Variants in FAM20C observed in about 807,000 individuals in gnomAD.
FAM20C encodes FAM20C golgi associated secretory pathway kinase, also known as extracellular serine/threonine protein kinase FAM20C.
A neutral mutation model predicts 51.5 loss-of-function variants in FAM20C; 40 were observed. The ratio of observed to expected loss-of-function variants is 0.78; its 90% CI spans 0.60 to 1.01. The LOEUF (loss-of-function observed/expected upper bound fraction) is 1.01, where lower values mean the gene tolerates loss of function less well. Ranked by LOEUF, FAM20C falls within the 50% of genes least tolerant of loss-of-function variation. The pLI is 0.00. For synonymous variants in FAM20C, 406 were observed against 380.6 expected (o/e 1.07, Z -0.78); for missense variants, 861 against 844.7 (o/e 1.02, Z -0.24).
chr7:230,382 G>GGGGCGGC (rs1554253387), intron 3 of FAM20C, among the ~76,000 whole-genome samples: 1 of 59,268 alleles, frequency 1.7e-5, no homozygotes, highest in African/African-American at 4.6e-5. Context: ...TGGGGGGGGG[G>GGGGCGGC]GGGAACAGAT....
chr7:201,871 G>A (rs187203876), intron 2 of FAM20C, among the ~76,000 whole-genome samples: 26 of 152,342 alleles, frequency 1.7e-4, no homozygotes, highest in African/African-American at 6.0e-4. Context: ...ACAGCAACAT[G>A]AAATAATGAA....
At position 193,214 on chromosome 7, in the gene FAM20C, G is replaced by A; in HGVS notation, c.15G>A (p.Leu5=). 1 of 1,459,882 alleles carries A rather than the reference G, an allele frequency of 6.8e-7. No individual in the cohort carries two copies. The highest frequency in any genetic ancestry group is 9.1e-7 in the Non-Finnish European group (1 of 1,100,584). 90.4% of individuals were successfully genotyped at this position (1,459,882 alleles called of 1,614,324 possible). A position where few individuals can be genotyped will look rare whatever the true frequency, so the allele number is the denominator to read the frequency against. The change falls in exon 1 of 10, where the codon CTG becomes CTA. Residue 5 remains leucine, a synonymous_variant. Coordinates refer to ENST00000313766, the MANE Select transcript of FAM20C (RefSeq NM_020223.4). Reference sequence around the variant, plus strand: ...CCCGCGCGGCCATGAAGATGATGCTGGTGCGCCGGTTCCGCGTGCTCATCC... The same window carrying A: ...CCCGCGCGGCCATGAAGATGATGCTAGTGCGCCGGTTCCGCGTGCTCATCC... MKMM[L]VRRFRVLILM... is the part of the protein sequence containing the mutation.
rs1413824052 is a variant in FAM20C, at chr7:243,121, A to G, written c.864-3294A>G. Among the ~76,000 whole-genome samples the G allele has an allele frequency of 1.6e-3, 95 of 58,456 alleles. 4 individuals are homozygous for G. The highest frequency in any genetic ancestry group is 6.1e-3 in the African/African-American group (63 of 10,244). 38.3% of individuals were successfully genotyped at this position (58,456 alleles called of 152,430 possible). A position where few individuals can be genotyped will look rare whatever the true frequency, so the allele number is the denominator to read the frequency against. On this transcript the variant is annotated intron_variant, in intron 3 of 9. Transcript: ENST00000313766. ...CCACCCGGGAGACCTGTGCCACCCA[A>G]GAGACCTGTGCCACCCGGGAGACCT...
At chr7:222,489 C>G (rs1216916989) in intron 3 of FAM20C, among the ~76,000 whole-genome samples, 1 of 152,160 alleles carries the variant, frequency 6.6e-6, no homozygotes, top group East Asian at 1.9e-4. Flanking sequence ...CCTGAACCCC[C>G]CAGGCCCAGG....
chr7:218,448 A>C (rs1298940971), intron 3 of FAM20C, among the ~76,000 whole-genome samples: 2 of 152,190 alleles, frequency 1.3e-5, no homozygotes, highest in African/African-American at 2.4e-5. Context: ...ACGGGACTGC[A>C]CGACCTGCTC....
At chr7:209,035 G>A (rs192569104) in intron 3 of FAM20C, 59 bp downstream of exon 3, 125 of 1,520,594 alleles carry the variant, frequency 8.2e-5, no homozygotes, top group Non-Finnish European at 9.8e-5. Flanking sequence ...GCGAGCAGGC[G>A]CCGGGCTTCT....
chr7:193,657 G>T lies in FAM20C; in HGVS notation c.458G>T (p.Gly153Val). ...CCGCGTCGGTCCGAGTCGCCCCCCG[G>T]CCCCGGCGGAGACGCCTCCCTCCTG... ...PGPRRSESPP[G>V]PGGDASLLAR... The change falls in exon 1 of 10, where the codon GGC becomes GTC. Residue 153 changes from glycine to valine, a missense_variant. Coordinates refer to ENST00000313766, the MANE Select transcript of FAM20C (RefSeq NM_020223.4). 2 of 1,540,668 alleles carry T rather than the reference G, an allele frequency of 1.3e-6. No individual in the cohort carries two copies. The highest frequency in any genetic ancestry group is 1.2e-5 in the South Asian group (1 of 83,510).
In FAM20C at chr7:246,477, A is replaced by G; in HGVS notation, c.926A>G (p.Asn309Ser). Residue 309 changes from asparagine to serine, a missense_variant, in exon 4 of 10, where the codon AAT (asparagine) becomes AGT (serine). Physicochemically the swap from Asn to Ser is conservative, Grantham distance 46. Transcript: ENST00000313766. ...TATTTCTCTGACTACGAGAGGCACA[A>G]TGCGGAGATTGCTGCCTTCCACCTG... The part of the protein sequence containing the change: ...FFYFSDYERH[N>S]AEIAAFHLDR... 2 of 1,536,906 alleles carry G rather than the reference A, an allele frequency of 1.3e-6. No homozygotes were observed. Among genetic ancestry groups the G allele is most frequent in the Non-Finnish European group, 1.7e-6 (2 of 1,146,776 alleles).
At position 193,542 on chromosome 7, in the gene FAM20C, G is replaced by C. The variant is rs754720957; in HGVS notation, c.343G>C (p.Glu115Gln). The C allele has an allele frequency of 2.7e-6, 4 of 1,494,472 alleles. No individual in the cohort carries two copies. The highest frequency in any genetic ancestry group is 3.6e-6 in the Non-Finnish European group (4 of 1,119,004). 92.6% of individuals were successfully genotyped at this position (1,494,472 alleles called of 1,614,324 possible). A position where few individuals can be genotyped will look rare whatever the true frequency, so the allele number is the denominator to read the frequency against. Residue 115 changes from glutamate (E) to glutamine (Q), a missense_variant, in exon 1 of 10, where the codon GAG becomes CAG. Glu to Gln is a conservative substitution (Grantham distance 29, BLOSUM62 2). Transcript: ENST00000313766. ...GCTGGAGAAACTGCCGCCCGCGGCC[G>C]AGCCGGCCGAGCGCGCCTTGCGGGG... ...HSLEKLPPAA[E>Q]PAERALRGRD...
chr7:198,090 C>T (rs571752443), intron 2 of FAM20C, among the ~76,000 whole-genome samples: 13 of 152,306 alleles, frequency 8.5e-5, no homozygotes, highest in African/African-American at 2.4e-4. Flanking sequence ...CTCGCTCGCT[C>T]GCCTCCTAGA....
chr7:193,167 A>G lies in FAM20C; in HGVS notation c.-33A>G. ...GCAGCTAGAGGGGCGCGCGGGCAGAACGCGCTCCAGGCCCGGGCCGGCCCG... is the reference window on the plus strand; with the variant it reads ...GCAGCTAGAGGGGCGCGCGGGCAGAGCGCGCTCCAGGCCCGGGCCGGCCCG... On this transcript the variant is annotated 5_prime_UTR_variant, in exon 1 of 10. Coordinates refer to ENST00000313766, the MANE Select transcript of FAM20C (RefSeq NM_020223.4). 1.4e-6 allele frequency: 2 copies of G among 1,428,670 alleles called. No homozygotes were observed. The highest frequency in any genetic ancestry group is 1.8e-6 in the Non-Finnish European group (2 of 1,083,856). 88.5% of individuals were successfully genotyped at this position (1,428,670 alleles called of 1,614,324 possible).
Position 241,846 on chromosome 7 carries a change from C to T in FAM20C, c.864-4569C>T, listed in dbSNP as rs924666971. On this transcript the variant is annotated intron_variant, in intron 3 of 9. Transcript: ENST00000313766. ...GTGTGCCCGTGTGTACGTTTGTGAG[C>T]GTGCAGGTGTGTGTGTGTGCATGAG... Among the ~76,000 whole-genome samples the T allele has an allele frequency of 6.0e-4, 87 of 145,732 alleles. 1 individual carries two copies. In the East Asian group the frequency reaches 0.015, roughly 26 times the overall value.
At chr7:228,312 C>A in intron 3 of FAM20C, 1 of 376,688 alleles carries the variant, frequency 2.7e-6, no homozygotes, top group Non-Finnish European at 5.4e-6. Flanking sequence ...CCGAAGAAGG[C>A]AGGTTCATTG....
intron 2 of FAM20C, among the ~76,000 whole-genome samples, chr7:206,282 C>G (rs1048640622): frequency 6.6e-6 from 1 of 152,230 alleles, no homozygotes. Context: ...GCAGCCCCAG[C>G]CTCTCCCACC....
chr7:257,828 AGATGGGCAGGGTGGACCCACTGC>A (rs1788657141), intron 8 of FAM20C, among the ~76,000 whole-genome samples: 3 of 121,748 alleles, frequency 2.5e-5, no homozygotes, highest in African/African-American at 9.7e-5. Context: ...GGGGTGCTGG[AGATGGGCAGGGTGGACCCACTGC>A]CTGGGGTGCT....
intron 2 of FAM20C, among the ~76,000 whole-genome samples, chr7:205,181 G>C (rs2115057694): frequency 6.6e-6 from 1 of 152,200 alleles, no homozygotes; most frequent in Admixed American, 6.5e-5. Flanking sequence ...CTGTTGCCCA[G>C]GCTGGTCTTG....
In FAM20C at chr7:247,208, A is replaced by G. The variant is rs367683479; in HGVS notation, c.956+701A>G. On this transcript the variant is annotated intron_variant, in intron 4 of 9. Transcript: ENST00000313766. ...GAGGGGCCGCCCCAGCCCAGCAGAA[A>G]GTGAACCCCTTGTGAGGGTCAGCTT... Among the ~76,000 whole-genome samples the G allele has an allele frequency of 2.0e-5, 3 of 152,308 alleles. No individual in the cohort carries two copies. The East Asian group carries it at 5.8e-4, about 29-fold the overall frequency.
At chr7:250,673 G>T (rs944253012) in intron 5 of FAM20C, among the ~76,000 whole-genome samples, 1 of 152,164 alleles carries the variant, frequency 6.6e-6, no homozygotes, top group African/African-American at 2.4e-5. Flanking sequence ...GACCCTGACC[G>T]CACTGTCCAG....
chr7:206,479 CCCCT>C (rs1786389147), intron 2 of FAM20C, among the ~76,000 whole-genome samples: 18 of 151,834 alleles, frequency 1.2e-4, no homozygotes, highest in Middle Eastern at 3.5e-3. Context: ...TGGCCCTGGT[CCCCT>C]CGGCCCTGCA....
Sources: gnomAD v4.1 joint callset for allele counts (sites outside exome capture counted in the v4.1 genomes callset) on GRCh38, gnomAD v4.1.1 for gene constraint, MANE v1.5 for transcripts, NCBI Gene and HGNC (gene_info 2026-07-23, HGNC 2026-07-21) for gene names.